The following DPYSL3 variants were observed in gnomAD, a reference collection of about 807,000 sequenced individuals.
DPYSL3 encodes dihydropyrimidinase like 3.
In DPYSL3, 16 loss-of-function variants were observed where a neutral mutation model predicts 66.1. That is an observed-to-expected ratio of 0.24 (90% CI 0.16 to 0.37). The LOEUF (loss-of-function observed/expected upper bound fraction) is 0.37, where lower values mean the gene tolerates loss of function less well. Among genes scored for constraint, DPYSL3 ranks in the 10% least tolerant of loss-of-function variants. DPYSL3 has a pLI of 1.00. For synonymous variants in DPYSL3, 338 were observed against 345.1 expected, an observed-to-expected ratio of 0.98 and a Z score of 0.23; for missense variants, 738 against 916.2, an observed-to-expected ratio of 0.81 and a Z score of 2.51.
chr5:147,471,581 A>G (rs1753086288), intron 1 of DPYSL3, among the ~76,000 whole-genome samples: 1 of 152,126 alleles, frequency 6.6e-6, no homozygotes, highest in South Asian at 2.1e-4. Flanking sequence ...TGGAGAAGGG[A>G]TGGAGGAATT....
chr5:147,392,008 TC>T lies in DPYSL3; in HGVS notation c.*2026del. On this transcript the variant is annotated 3_prime_UTR_variant, in exon 14 of 14. Transcript: ENST00000343218. ...GAGCAGAGAGTGCAGAAGTGGACGCTCAGAAGCGAGTTTATGTGTGTCTTTT... is the reference window on the plus strand; with the variant it reads ...GAGCAGAGAGTGCAGAAGTGGACGCTAGAAGCGAGTTTATGTGTGTCTTTT... The T allele has an allele frequency of 6.6e-6, 1 of 152,356 alleles. No individual in the cohort carries two copies. Among genetic ancestry groups the T allele is most frequent in the South Asian group, 2.1e-4 (1 of 4,830 alleles). The allele number at this position is 152,356 out of a possible 1,614,324, so 9.4% of individuals were successfully genotyped here.
chr5:147,480,932 G>A (rs1177336131), intron 1 of DPYSL3, among the ~76,000 whole-genome samples: 1 of 151,954 alleles, frequency 6.6e-6, no homozygotes, highest in African/African-American at 2.4e-5. Context: ...ATGTTGGTCA[G>A]GCTGGTCTCA....
chr5:147,487,134 T>C (rs1464136861), intron 1 of DPYSL3, among the ~76,000 whole-genome samples: 1 of 152,150 alleles, frequency 6.6e-6, no homozygotes, highest in African/African-American at 2.4e-5. Context: ...TAAAGCTTTA[T>C]TTTAAGCTTG....
At chr5:147,490,615 G>A (rs1257982727) in intron 1 of DPYSL3, among the ~76,000 whole-genome samples, 2 of 152,018 alleles carry the variant, frequency 1.3e-5, no homozygotes, top group Non-Finnish European at 2.9e-5. Flanking sequence ...CAAGTAAAAC[G>A]CTAAACAAAC....
chr5:147,412,950 C>T (rs1173936745), intron 5 of DPYSL3, among the ~76,000 whole-genome samples: 2 of 152,202 alleles, frequency 1.3e-5, no homozygotes, highest in African/African-American at 4.8e-5. Context: ...CAACTCCTCT[C>T]CTCTGCCTCT....
intron 7 of DPYSL3, among the ~76,000 whole-genome samples, chr5:147,407,055 A>G (rs1321057287): frequency 1.3e-5 from 2 of 152,180 alleles, no homozygotes; most frequent in Admixed American, 1.3e-4. Flanking sequence ...CTGGGGTCCC[A>G]GCTCTCTGAA....
intron 1 of DPYSL3, among the ~76,000 whole-genome samples, chr5:147,488,345 T>C (rs910750270): frequency 6.6e-6 from 1 of 152,136 alleles, no homozygotes; most frequent in African/African-American, 2.4e-5. Context: ...AATTCTGCCC[T>C]CAAAGGAGAC....
intron 1 of DPYSL3, among the ~76,000 whole-genome samples, chr5:147,469,680 G>A (rs367976317): frequency 3.6e-4 from 55 of 152,208 alleles, no homozygotes; most frequent in African/African-American, 1.3e-3. Context: ...ACATTTTTCT[G>A]GGAAGAAGAA....
rs1228190683 is a variant in DPYSL3 at position 147,399,223 on chromosome 5, G to A, written c.1482C>T (p.Phe494=). 1.2e-6 allele frequency: 2 copies of A among 1,614,138 alleles called. No individual in the cohort carries two copies. Among genetic ancestry groups the A allele is most frequent in the Non-Finnish European group, 1.7e-6 (2 of 1,180,010 alleles). The stretch of plus-strand genomic sequence containing the variant: ...CAGCGTTTGTGCTTGTCACAGCCAC[G>A]AACTGGTTTTCGTCCATTTTCCCTG... ...VATGKMDENQ[F]VAVTSTNAAK... is the part of the protein sequence containing the mutation. The change falls in exon 11 of 14, where the codon TTC becomes TTT. Residue 494 remains phenylalanine, a synonymous_variant. Coordinates refer to ENST00000343218, the MANE Select transcript of DPYSL3 (RefSeq NM_001197294.2).
At chr5:147,430,128 A>C (rs935735213) in intron 1 of DPYSL3, among the ~76,000 whole-genome samples, 46 of 152,078 alleles carry the variant, frequency 3.0e-4, no homozygotes, top group African/African-American at 1.1e-3. Context: ...AGGAAGTAAA[A>C]AGAGAGAGAG....
At chr5:147,458,624 G>T (rs977703116) in intron 1 of DPYSL3, among the ~76,000 whole-genome samples, 15 of 152,124 alleles carry the variant, frequency 9.9e-5, no homozygotes, top group Non-Finnish European at 1.9e-4. Context: ...CCCCTTTCCG[G>T]TAATAGCAGC....
intron 1 of DPYSL3, among the ~76,000 whole-genome samples, chr5:147,456,082 G>A (rs1752848825): frequency 6.6e-6 from 1 of 152,196 alleles, no homozygotes; most frequent in Admixed American, 6.5e-5. Context: ...GATTCAAGCT[G>A]TTGCCATCAT....
chr5:147,426,837 C>A (rs1366337955), intron 1 of DPYSL3, among the ~76,000 whole-genome samples: 2 of 152,134 alleles, frequency 1.3e-5, no homozygotes, highest in African/African-American at 4.8e-5. Flanking sequence ...GAAGAAATTT[C>A]ATCATATCAT....
chr5:147,408,787 G>C lies in DPYSL3; in HGVS notation c.973C>G (p.Arg325Gly). 6.2e-7 allele frequency: 1 copy of C among 1,614,106 alleles called. No individual in the cohort carries two copies. The highest frequency in any genetic ancestry group is 8.5e-7 in the Non-Finnish European group (1 of 1,180,010). The change falls in exon 7 of 14, where the codon CGC becomes GGC. Residue 325 changes from arginine to glycine, a missense_variant. Coordinates refer to ENST00000343218, the MANE Select transcript of DPYSL3 (RefSeq NM_001197294.2). ...CCAGTTATCCCCATTTCCAACATGC[G>C]GGTTTGCTCCTGAAATGAAAAAAGA... ...NGDIIAQEQTRMLEMGITGPE... is the reference protein window; with the variant it reads ...NGDIIAQEQTGMLEMGITGPE...
At chr5:147,474,410 C>T (rs1228161601) in intron 1 of DPYSL3, among the ~76,000 whole-genome samples, 1 of 152,030 alleles carries the variant, frequency 6.6e-6, no homozygotes, top group Non-Finnish European at 1.5e-5. Flanking sequence ...CTTTTATCTG[C>T]ATTTTTTTCA....
Position 147,399,176 on chromosome 5 carries a change from G to A in DPYSL3, c.1529C>T (p.Pro510Leu). The A allele has an allele frequency of 6.2e-7, 1 of 1,614,200 alleles. No homozygotes were observed. The highest frequency in any genetic ancestry group is 8.5e-7 in the Non-Finnish European group (1 of 1,180,034). The change falls in exon 11 of 14, where the codon CCC (proline) becomes CTC (leucine). Residue 510 changes from proline (P) to leucine (L), a missense_variant. Pro to Leu is a moderately conservative substitution (Grantham distance 98, BLOSUM62 -3). Transcript: ENST00000343218. ...TNAAKIFNLY[P>L]RKGRISVGSD... is the part of the protein sequence containing the mutation. ...ACCCACAGATATTCTTCCCTTGCGG[G>A]GATACAGGTTGAAGATCTTGGCAGC...
In DPYSL3 at chr5:147,391,558, C is replaced by G. The variant is rs534982300; in HGVS notation, c.*2477G>C. 2.6e-5 allele frequency: 4 copies of G among 152,364 alleles called. No individual in the cohort carries two copies. Among genetic ancestry groups the G allele is most frequent in the Admixed American group, 2.6e-4 (4 of 15,278 alleles). The allele number at this position is 152,364 out of a possible 1,614,324, so 9.4% of individuals were successfully genotyped here. A position where few individuals can be genotyped will look rare whatever the true frequency, so the allele number is the denominator to read the frequency against. ...GGAATCAGATAGACGATCCAGCGTG[C>G]CTTCCTACACTTGCATGAGGTGCCA... On this transcript the variant is annotated 3_prime_UTR_variant, in exon 14 of 14. Coordinates refer to ENST00000343218, the MANE Select transcript of DPYSL3 (RefSeq NM_001197294.2).
chr5:147,436,063 C>A (rs371905701), intron 1 of DPYSL3, among the ~76,000 whole-genome samples: 1 of 152,198 alleles, frequency 6.6e-6, no homozygotes, highest in African/African-American at 2.4e-5. Flanking sequence ...GGGGAAAATA[C>A]CCCGACTTCA....
chr5:147,424,419 C>T (rs948350538), intron 2 of DPYSL3, among the ~76,000 whole-genome samples: 1 of 152,194 alleles, frequency 6.6e-6, no homozygotes, highest in African/African-American at 2.4e-5. Context: ...AATTATACAT[C>T]CCTAATGAAT....
Sources: gnomAD v4.1 joint callset for allele counts (sites outside exome capture counted in the v4.1 genomes callset) on GRCh38, gnomAD v4.1.1 for gene constraint, MANE v1.5 for transcripts, NCBI Gene and HGNC (gene_info 2026-07-23, HGNC 2026-07-21) for gene names.